CCNF: variants seen among roughly 807,000 people sequenced by gnomAD.
CCNF encodes the protein cyclin-F.
A neutral mutation model predicts 85.4 loss-of-function variants in CCNF; 30 were observed. That is an observed-to-expected ratio of 0.35 (90% CI 0.26 to 0.48). The LOEUF is 0.48. Among genes scored for constraint, CCNF ranks in the 20% least tolerant of loss-of-function variants. The pLI is 0.99. For missense variants in CCNF, 919 were observed against 1,010.4 expected (o/e 0.91, Z 1.23); for synonymous variants, 439 against 425.1 (o/e 1.03, Z -0.40).
At position 2,429,481 on chromosome 16, in the gene CCNF, G is replaced by C. The variant is rs13331598; in HGVS notation, c.-1G>C. On this transcript the variant is annotated 5_prime_UTR_variant, in exon 1 of 17. Coordinates refer to ENST00000397066, the MANE Select transcript of CCNF (RefSeq NM_001761.3). ...CCGGCGGCAGCGACGCGAGCGCGGC[G>C]ATGGGGAGCGGCGGCGGTGAGTGCG... The C allele has an allele frequency of 8.5e-3, 10,496 of 1,230,076 alleles. 592 individuals carry two copies. The African/African-American group carries it at 0.13, about 15-fold the overall frequency. The allele number at this position is 1,230,076 out of a possible 1,614,324, so 76.2% of individuals were successfully genotyped here. A position where few individuals can be genotyped will look rare whatever the true frequency, so the allele number is the denominator to read the frequency against.
In CCNF at chr16:2,452,854, T is replaced by G; in HGVS notation, c.1488-356T>G. The G allele has an allele frequency of 3.4e-6, 1 of 296,860 alleles. No homozygotes were observed. Among genetic ancestry groups the G allele is most frequent in the Non-Finnish European group, 6.5e-6 (1 of 154,948 alleles). 18.4% of individuals were successfully genotyped at this position (296,860 alleles called of 1,614,324 possible). A position where few individuals can be genotyped will look rare whatever the true frequency, so the allele number is the denominator to read the frequency against. ...CGGTAACGTTTGCTGGGTTTGTCCA[T>G]GTGGTGTGTGTCCCTGCTTTGTTCT... On this transcript the variant is annotated intron_variant, in intron 13 of 16. Coordinates refer to ENST00000397066, the MANE Select transcript of CCNF (RefSeq NM_001761.3). The surrounding 1 kb of genome is among the most constrained non-coding windows in gnomAD (Gnocchi z 4.1).
chr16:2,432,452 T>A (rs578210266), intron 2 of CCNF, among the ~76,000 whole-genome samples: 17 of 152,234 alleles, frequency 1.1e-4, no homozygotes, highest in Non-Finnish European at 1.0e-4. Context: ...GCTTAAAGTG[T>A]TCACCTGTGC....
At position 2,448,739 on chromosome 16, in the gene CCNF, A is replaced by G. The variant is rs952827069; in HGVS notation, c.1095-116A>G. ...TTATGAAGCCTCTGTTTGTCACCAA[A>G]GCCCAACGCCATGGCTCCCTCCCTA... On this transcript the variant is annotated intron_variant, in intron 10 of 16. Coordinates refer to ENST00000397066, the MANE Select transcript of CCNF (RefSeq NM_001761.3). 16 of 894,604 alleles carry G rather than the reference A, an allele frequency of 1.8e-5. No individual in the cohort carries two copies. The Admixed American group carries it at 2.6e-4, about 14-fold the overall frequency. 55.4% of individuals were successfully genotyped at this position (894,604 alleles called of 1,614,324 possible).
chr16:2,448,777 C>T lies in CCNF; in HGVS notation c.1095-78C>T, dbSNP rs961642839. 6.4e-6 allele frequency: 9 copies of T among 1,411,620 alleles called. No individual in the cohort carries two copies. The African/African-American group carries it at 1.0e-4, about 16-fold the overall frequency. The allele number at this position is 1,411,620 out of a possible 1,614,324, so 87.4% of individuals were successfully genotyped here. ...GGCTCCCTCCCTACCTTGAGGCCTCCTAAAGCCTTGGGTCCCTCCGCCCCA... is the reference window on the plus strand; with the variant it reads ...GGCTCCCTCCCTACCTTGAGGCCTCTTAAAGCCTTGGGTCCCTCCGCCCCA... On this transcript the variant is annotated intron_variant, in intron 10 of 16. Transcript: ENST00000397066.
chr16:2,444,523 A>G (rs996635331), intron 9 of CCNF, among the ~76,000 whole-genome samples: 3 of 148,892 alleles, frequency 2.0e-5, no homozygotes, highest in African/African-American at 7.4e-5. Flanking sequence ...GATGGTCTCA[A>G]TCTCCTGACC....
At chr16:2,447,054 C>T (rs1024493005) in intron 10 of CCNF, among the ~76,000 whole-genome samples, 3 of 152,170 alleles carry the variant, frequency 2.0e-5, no homozygotes, top group Middle Eastern at 3.2e-3. Context: ...CGACCAGAGA[C>T]GACTGAGGAG....
intron 11 of CCNF, 64 bp downstream of exon 11, chr16:2,449,042 G>GGCCC: frequency 1.5e-6 from 1 of 683,618 alleles, no homozygotes; most frequent in Non-Finnish European, 2.7e-6. Flanking sequence ...GTGGGGGTGG[G>GGCCC]CATTCAGCTT....
chr16:2,441,977 A>ATG (rs2065324879), intron 8 of CCNF, among the ~76,000 whole-genome samples: 2 of 95,856 alleles, frequency 2.1e-5, no homozygotes. Context: ...ATATATATAT[A>ATG]TATATGTTTT....
intron 2 of CCNF, among the ~76,000 whole-genome samples, chr16:2,432,499 G>A (rs1170719048): frequency 1.3e-5 from 2 of 152,180 alleles, no homozygotes; most frequent in Admixed American, 1.3e-4. Context: ...CGTTGGCCCA[G>A]CGCTTAGGCT....
At chr16:2,445,888 C>A (rs2065359899) in intron 10 of CCNF, among the ~76,000 whole-genome samples, 1 of 152,056 alleles carries the variant, frequency 6.6e-6, no homozygotes, top group Admixed American at 6.6e-5. Flanking sequence ...CCACCATGCC[C>A]GACTAATTTT....
intron 12 of CCNF, 148 bp downstream of exon 12, chr16:2,449,610 TC>T: frequency 1.2e-6 from 1 of 841,478 alleles, no homozygotes; most frequent in Non-Finnish European, 1.8e-6. Context: ...TTCAGTGATG[TC>T]CCAGATTTCT....
At position 2,456,327 on chromosome 16, in the gene CCNF, G is replaced by C; in HGVS notation, c.1886-218G>C. The C allele has an allele frequency of 2.1e-6, 1 of 480,248 alleles. No homozygotes were observed. The highest frequency in any genetic ancestry group is 3.7e-6 in the Non-Finnish European group (1 of 273,506). The allele number at this position is 480,248 out of a possible 1,614,324, so 29.7% of individuals were successfully genotyped here. A position where few individuals can be genotyped will look rare whatever the true frequency, so the allele number is the denominator to read the frequency against. ...TGCGTCCACTTGGCTTGAGCTAGATGGCCAACTTGTCATCTCCACATTTGT... is the reference window on the plus strand; with the variant it reads ...TGCGTCCACTTGGCTTGAGCTAGATCGCCAACTTGTCATCTCCACATTTGT... On this transcript the variant is annotated intron_variant, in intron 16 of 16. Transcript: ENST00000397066. The surrounding 1 kb of genome is among the most constrained non-coding windows in gnomAD (Gnocchi z 4.5).
chr16:2,439,666 G>A (rs972298896), intron 7 of CCNF, 83 bp from the exon 8 acceptor site: 19 of 1,166,180 alleles, frequency 1.6e-5, no homozygotes, highest in African/African-American at 3.0e-5. Flanking sequence ...GGAAGTTAGC[G>A]TAGTGTCGGC....
At chr16:2,448,126 G>A (rs983816676) in intron 10 of CCNF, among the ~76,000 whole-genome samples, 8 of 152,222 alleles carry the variant, frequency 5.3e-5, no homozygotes, top group African/African-American at 1.9e-4. Context: ...GCCACACAGT[G>A]CCGGGCACAG....
intron 10 of CCNF, among the ~76,000 whole-genome samples, chr16:2,448,284 T>C (rs2065373098): frequency 1.3e-5 from 2 of 152,258 alleles, no homozygotes; most frequent in Admixed American, 6.5e-5. Context: ...GCAAACTGAA[T>C]GCTCAGGGCA....
In CCNF at chr16:2,439,780, T is replaced by G. The variant is rs1294576891; in HGVS notation, c.731T>G (p.Phe244Cys). ...VSDPGRCLHS[F>C]RKLRDYAAKG... Reference sequence around the variant, plus strand: ...GATCCTGGGCGATGCCTCCACAGCTTCCGAAAACTCAGGGACTACGCTGCC... The same window carrying G: ...GATCCTGGGCGATGCCTCCACAGCTGCCGAAAACTCAGGGACTACGCTGCC... Residue 244 changes from phenylalanine to cysteine, a missense_variant, in exon 8 of 17, where the codon TTC (phenylalanine) becomes TGC (cysteine). Transcript: ENST00000397066. 12 of 1,614,052 alleles carry G rather than the reference T, an allele frequency of 7.4e-6. No individual in the cohort carries two copies. Among genetic ancestry groups the G allele is most frequent in the Non-Finnish European group, 9.3e-6 (11 of 1,180,026 alleles).
chr16:2,447,925 C>G (rs546558454), intron 10 of CCNF, among the ~76,000 whole-genome samples: 6 of 152,310 alleles, frequency 3.9e-5, no homozygotes, highest in African/African-American at 1.2e-4. Flanking sequence ...CGCCTCTTGT[C>G]CTCTTGGTCA....
chr16:2,437,180 G>C lies in CCNF; in HGVS notation c.398G>C (p.Arg133Pro). 1 of 1,611,696 alleles carries C rather than the reference G, an allele frequency of 6.2e-7. No individual in the cohort carries two copies. Among genetic ancestry groups the C allele is most frequent in the Non-Finnish European group, 8.5e-7 (1 of 1,178,368 alleles). ...GAAGTGAATGGCCTGAAGGCCTCTCGCTTCTTCAGTCTCGCTGAGCGGCTG... is the reference window on the plus strand; with the variant it reads ...GAAGTGAATGGCCTGAAGGCCTCTCCCTTCTTCAGTCTCGCTGAGCGGCTG... ...RAEVNGLKASRFFSLAERLNV... is the reference protein window; with the variant it reads ...RAEVNGLKASPFFSLAERLNV... The change falls in exon 5 of 17, where the codon CGC (arginine) becomes CCC (proline). Residue 133 changes from arginine to proline, a missense_variant. By Grantham distance (103) the Arg-to-Pro change is moderately radical. This residue lies in a region of CCNF where 410 missense variants were observed against 478.6 expected (regional missense o/e 0.86). Transcript: ENST00000397066.
intron 8 of CCNF, among the ~76,000 whole-genome samples, chr16:2,441,398 C>T (rs1047534321): frequency 2.0e-5 from 3 of 152,032 alleles, no homozygotes; most frequent in East Asian, 1.9e-4. Context: ...CCTATCTCAA[C>T]AAAAACATTG....
Sources: gnomAD v4.1 joint callset for allele counts (sites outside exome capture counted in the v4.1 genomes callset) on GRCh38, gnomAD v4.1.1 for gene constraint, gnomAD v4.1.1 regional missense constraint, Gnocchi (gnomAD v3.1) non-coding constraint, MANE v1.5 for transcripts, NCBI Gene and HGNC (gene_info 2026-07-23, HGNC 2026-07-21) for gene names.